Variants in FCHO2 observed in about 807,000 individuals in gnomAD.
FCHO2 encodes FCH and mu domain containing endocytic adaptor 2, also known as F-BAR domain only protein 2.
FCHO2 carries 43 observed loss-of-function variants against 114.1 expected under a neutral mutation model. The observed-to-expected ratio is 0.38, with a 90% CI of 0.30 to 0.49. FCHO2 has a LOEUF of 0.49. Among genes scored for constraint, FCHO2 ranks in the 20% least tolerant of loss-of-function variants. The pLI is 0.97. For missense variants in FCHO2, 807 were observed against 950.4 expected (o/e 0.85, Z 1.98); for synonymous variants, 293 against 315.2 (o/e 0.93, Z 0.75).
chr5:73,020,741 T>C, intron 8 of FCHO2: 1 of 1,178,996 alleles, frequency 8.5e-7, no homozygotes. Flanking sequence ...ACATCCACCT[T>C]CTCCAAAACC....
rs1754186585 is a variant in FCHO2, at chr5:72,997,551, T to C, written c.495+6687T>C. ...TTCAGTGACCCCAGTGACACAACCC[T>C]TCTCAACCTGCTCCCGATGCTGGAT... is the stretch of plus-strand genomic sequence containing the variant. On this transcript the variant is annotated intron_variant, in intron 5 of 25. Transcript: ENST00000430046. 39 of 1,329,426 alleles carry C rather than the reference T, an allele frequency of 2.9e-5. No individual in the cohort carries two copies. The South Asian group carries it at 4.3e-4, about 15-fold the overall frequency. 82.4% of individuals were successfully genotyped at this position (1,329,426 alleles called of 1,614,324 possible).
chr5:73,073,380 T>C (rs1580203631), intron 19 of FCHO2, among the ~76,000 whole-genome samples: 1 of 152,116 alleles, frequency 6.6e-6, no homozygotes, highest in East Asian at 1.9e-4. Context: ...TGAGCACTTT[T>C]CCAGCCTCAT....
chr5:72,967,452 AC>A (rs1294099834), intron 1 of FCHO2, among the ~76,000 whole-genome samples: 1 of 152,212 alleles, frequency 6.6e-6, no homozygotes, highest in Non-Finnish European at 1.5e-5. Context: ...TACTGTCTTA[AC>A]TCAGAAATCA....
chr5:73,038,846 A>C, intron 10 of FCHO2, among the ~76,000 whole-genome samples: 1 of 152,246 alleles, frequency 6.6e-6, no homozygotes, highest in East Asian at 1.9e-4. Context: ...ACATATTGAA[A>C]TCTGATCAAT....
chr5:73,068,249 T>C (rs1742461137), intron 18 of FCHO2, among the ~76,000 whole-genome samples: 1 of 152,112 alleles, frequency 6.6e-6, no homozygotes, highest in Non-Finnish European at 1.5e-5. Flanking sequence ...TTTCTTCTTC[T>C]GTGACTCATC....
intron 20 of FCHO2, among the ~76,000 whole-genome samples, chr5:73,075,404 A>G (rs954684925): frequency 6.6e-6 from 1 of 152,148 alleles, no homozygotes; most frequent in East Asian, 1.9e-4. Context: ...AGGTAAAAGC[A>G]TATTTGGTAT....
rs1161376496 is a variant in FCHO2, at chr5:73,062,910, G to A, written c.1346-931G>A. Reference sequence around the variant, plus strand: ...TTAATTTTGTACATCTCTAAACTTTGAAAACATGCTGAATATGTTTCTTCC... The same window carrying A: ...TTAATTTTGTACATCTCTAAACTTTAAAAACATGCTGAATATGTTTCTTCC... On this transcript the variant is annotated intron_variant, in intron 17 of 25. Transcript: ENST00000430046. 2.0e-5 allele frequency among the ~76,000 whole-genome samples: 3 copies of A among 151,894 alleles called. No individual in the cohort carries two copies. The East Asian group carries it at 5.8e-4, about 29-fold the overall frequency.
At chr5:73,031,380 T>G (rs1470890605) in intron 8 of FCHO2, among the ~76,000 whole-genome samples, 2 of 152,188 alleles carry the variant, frequency 1.3e-5, no homozygotes, top group Admixed American at 6.5e-5. Flanking sequence ...GCCCAGACTT[T>G]CTATTTGAGT....
chr5:73,052,832 C>T, intron 13 of FCHO2: 1 of 178,434 alleles, frequency 5.6e-6, no homozygotes. Context: ...GTTTTGTGAG[C>T]CTTATGTAGG....
intron 20 of FCHO2, 22 bp downstream of exon 20, chr5:73,074,875 A>ATGTATG: frequency 1.3e-6 from 2 of 1,546,248 alleles, no homozygotes; most frequent in Non-Finnish European, 1.8e-6. Flanking sequence ...AAATATATGC[A>ATGTATG]TGTATGTGTA....
At chr5:73,040,961 T>C (rs1561470750) in intron 10 of FCHO2, among the ~76,000 whole-genome samples, 2 of 152,262 alleles carry the variant, frequency 1.3e-5, no homozygotes, top group Admixed American at 1.3e-4. Context: ...GCTTTCTTGA[T>C]GTGTGAGTAT....
At chr5:73,020,769 A>T in intron 8 of FCHO2, 1 of 1,056,338 alleles carries the variant, frequency 9.5e-7, no homozygotes, top group Non-Finnish European at 1.5e-6. Flanking sequence ...ATTCTGTGAG[A>T]GATATGGCAC....
Position 73,052,516 on chromosome 5 carries a change from A to C in FCHO2, c.1173+9A>C. 6.4e-7 allele frequency: 1 copy of C among 1,573,860 alleles called. No homozygotes were observed. The highest frequency in any genetic ancestry group is 1.2e-5 in the South Asian group (1 of 85,720). On this transcript the variant is annotated intron_variant, in intron 13 of 25. Coordinates refer to ENST00000430046, the MANE Select transcript of FCHO2 (RefSeq NM_138782.3). ...TCTCCCCAGCAATATCTGTAAGTAC[A>C]AACACGTTTGTACTCTTTATATAAA...
chr5:73,063,923 A>C lies in FCHO2; in HGVS notation c.1428A>C (p.Lys476Asn). ...PASRPKLTSG[K>N]LSGINEIPRP... Reference sequence around the variant, plus strand: ...CCAGACCAAAGCTTACTTCAGGCAAACTCAGTGGGATTAATGAAATAGTAT... The same window carrying C: ...CCAGACCAAAGCTTACTTCAGGCAACCTCAGTGGGATTAATGAAATAGTAT... Residue 476 changes from lysine to asparagine, a missense_variant, in exon 18 of 26, where the codon AAA becomes AAC. Lys to Asn is a moderately conservative substitution (Grantham distance 94). Transcript: ENST00000430046. The C allele has an allele frequency of 1.9e-6, 3 of 1,610,802 alleles. No homozygotes were observed. Among genetic ancestry groups the C allele is most frequent in the Non-Finnish European group, 2.5e-6 (3 of 1,178,300 alleles).
chr5:73,033,462 A>T (rs1756339526), intron 8 of FCHO2, among the ~76,000 whole-genome samples: 1 of 152,094 alleles, frequency 6.6e-6, no homozygotes, highest in South Asian at 2.1e-4. Context: ...CTTGTTAATC[A>T]ATCAGTGGCT....
At chr5:73,028,999 A>G (rs1268426682) in intron 8 of FCHO2, among the ~76,000 whole-genome samples, 1 of 152,172 alleles carries the variant, frequency 6.6e-6, no homozygotes, top group Non-Finnish European at 1.5e-5. Context: ...ACTAATTTAT[A>G]GTGACAGAAA....
At chr5:73,020,357 AAG>A (rs905110460) in intron 8 of FCHO2, among the ~76,000 whole-genome samples, 8 of 152,326 alleles carry the variant, frequency 5.3e-5, no homozygotes, top group African/African-American at 1.9e-4. Context: ...CATCTGGTGA[AAG>A]AGCTTTGCTG....
intron 8 of FCHO2, among the ~76,000 whole-genome samples, chr5:73,026,223 G>A (rs1755907451): frequency 6.6e-6 from 1 of 152,156 alleles, no homozygotes; most frequent in Admixed American, 6.5e-5. Flanking sequence ...GACTTTGGGA[G>A]GCCAAGGTGG....
intron 2 of FCHO2, among the ~76,000 whole-genome samples, chr5:72,970,880 G>C (rs1752509904): frequency 6.6e-6 from 1 of 152,086 alleles, no homozygotes; most frequent in African/African-American, 2.4e-5. Flanking sequence ...TCCCCAGAGT[G>C]TGATGTTCCC....
Sources: gnomAD v4.1 joint callset for allele counts (sites outside exome capture counted in the v4.1 genomes callset) on GRCh38, gnomAD v4.1.1 for gene constraint, MANE v1.5 for transcripts, NCBI Gene and HGNC (gene_info 2026-07-23, HGNC 2026-07-21) for gene names.